GPC5: variants seen among roughly 807,000 people sequenced by gnomAD.
GPC5 encodes glypican-5.
Under a neutral mutation model 53.9 loss-of-function variants are expected in GPC5, and 47 were observed. The ratio of observed to expected loss-of-function variants is 0.87; its 90% CI spans 0.69 to 1.11. The LOEUF (loss-of-function observed/expected upper bound fraction) is 1.11. GPC5 is among the 50% of genes most tolerant of loss of function. The pLI is 0.00. For synonymous variants in GPC5, 286 were observed against 263.3 expected, an observed-to-expected ratio of 1.09 and a Z score of -0.84; for missense variants, 748 against 713.1, an observed-to-expected ratio of 1.05 and a Z score of -0.56.
intron 7 of GPC5, among the ~76,000 whole-genome samples, chr13:92,543,111 T>G (rs1157252718): frequency 3.3e-5 from 5 of 152,088 alleles, no homozygotes; most frequent in Admixed American, 2.6e-4. Context: ...ACTCCTGTAA[T>G]ACAAATATTT....
At chr13:92,023,969 G>A (rs368367290) in intron 6 of GPC5, among the ~76,000 whole-genome samples, 1 of 151,994 alleles carries the variant, frequency 6.6e-6, no homozygotes, top group Admixed American at 6.6e-5. Context: ...CATCCTATGA[G>A]GTGACATTAT....
At chr13:92,383,352 A>C (rs1371050944) in intron 7 of GPC5, among the ~76,000 whole-genome samples, 1 of 152,208 alleles carries the variant, frequency 6.6e-6, no homozygotes, top group Non-Finnish European at 1.5e-5. Flanking sequence ...TATTTGAATA[A>C]TATAGCCTTT....
chr13:92,168,311 T>C (rs2139017440), intron 7 of GPC5, among the ~76,000 whole-genome samples: 1 of 152,226 alleles, frequency 6.6e-6, no homozygotes, highest in South Asian at 2.1e-4. Flanking sequence ...TCAAAAGCAA[T>C]TGCAACAAAA....
At chr13:92,231,858 C>T (rs1408356706) in intron 7 of GPC5, among the ~76,000 whole-genome samples, 1 of 151,858 alleles carries the variant, frequency 6.6e-6, no homozygotes, top group Admixed American at 6.6e-5. Flanking sequence ...CCCAGCTGCT[C>T]GGGAGGCTGA....
intron 7 of GPC5, among the ~76,000 whole-genome samples, chr13:92,398,428 C>CAAAAAAAAAAAAA (rs35873316): frequency 1.4e-3 from 120 of 87,622 alleles, no homozygotes; most frequent in African/African-American, 5.1e-3. Flanking sequence ...GACTCCGTCT[C>CAAAAAAAAAAAAA]AAAAAAAAAA....
chr13:92,758,218 A>C (rs1874986192), intron 7 of GPC5, among the ~76,000 whole-genome samples: 1 of 143,256 alleles, frequency 7.0e-6, no homozygotes, highest in Admixed American at 7.0e-5. Context: ...CATTCTCAGT[A>C]AACTATCGCA....
intron 2 of GPC5, among the ~76,000 whole-genome samples, chr13:91,504,506 T>C (rs551985763): frequency 6.6e-6 from 1 of 152,212 alleles, no homozygotes; most frequent in Non-Finnish European, 1.5e-5. Context: ...ATAAAGAATA[T>C]AGTTAGATAT....
chr13:92,169,869 G>T (rs540506877), intron 7 of GPC5, among the ~76,000 whole-genome samples: 1 of 152,086 alleles, frequency 6.6e-6, no homozygotes, highest in Non-Finnish European at 1.5e-5. Context: ...GTGAACATTT[G>T]GAACTATGTT....
chr13:92,237,420 A>G (rs369177897), intron 7 of GPC5, among the ~76,000 whole-genome samples: 3 of 152,050 alleles, frequency 2.0e-5, no homozygotes, highest in Admixed American at 6.6e-5. Context: ...GGGTTTCACC[A>G]TGTTGGCCAG....
At chr13:91,607,561 A>C (rs1363229188) in intron 2 of GPC5, among the ~76,000 whole-genome samples, 1 of 152,220 alleles carries the variant, frequency 6.6e-6, no homozygotes, top group Non-Finnish European at 1.5e-5. Flanking sequence ...TTGAGGAATA[A>C]ATGGAAAAAA....
intron 6 of GPC5, among the ~76,000 whole-genome samples, chr13:92,138,754 A>T (rs1365228628): frequency 6.6e-6 from 1 of 152,040 alleles, no homozygotes; most frequent in Non-Finnish European, 1.5e-5. Context: ...TGCCCCGAGG[A>T]TGGAGCCAAC....
At chr13:91,694,019 A>C (rs1254185217) in intron 3 of GPC5, 138 bp downstream of exon 3, 24 of 721,256 alleles carry the variant, frequency 3.3e-5, no homozygotes, top group Non-Finnish European at 5.3e-5. Flanking sequence ...CTTATGATAA[A>C]ATTTTGATTG....
At chr13:91,780,091 A>G (rs961713835) in intron 5 of GPC5, among the ~76,000 whole-genome samples, 1 of 152,200 alleles carries the variant, frequency 6.6e-6, no homozygotes, top group African/African-American at 2.4e-5. Flanking sequence ...TGTGAGTAAC[A>G]TTGCACTATG....
intron 7 of GPC5, among the ~76,000 whole-genome samples, chr13:92,397,770 C>A (rs1437336334): frequency 6.6e-6 from 1 of 152,138 alleles, no homozygotes; most frequent in African/African-American, 2.4e-5. Flanking sequence ...AACAGCAAGT[C>A]ATTCCTTTGT....
intron 6 of GPC5, among the ~76,000 whole-genome samples, chr13:92,103,495 A>T (rs182632740): frequency 4.5e-4 from 69 of 152,284 alleles, no homozygotes; most frequent in Non-Finnish European, 7.1e-4. Context: ...TCTCTTCCTG[A>T]AAGATCAATG....
rs995686570 is a variant in GPC5 at position 91,464,818 on chromosome 13, A to AAC, written c.325+15908_325+15909dup. 8.0e-4 allele frequency among the ~76,000 whole-genome samples: 121 copies of AAC among 151,818 alleles called. 1 individual carries two copies. The highest frequency in any genetic ancestry group is 2.7e-3 in the African/African-American group (112 of 41,438). On this transcript the variant is annotated intron_variant, in intron 2 of 7. Transcript: ENST00000377067. ...AAATTGCATAGCACTACACACACAC[A>AAC]ACACACACACACAAATGCATACAAA...
In GPC5 at chr13:92,245,950, C is replaced by T. The variant is rs7993135; in HGVS notation, c.1561+100961C>T. ...GAATATTCTTATGAATAGGGTGGGCCCTATATTATTCATTTTCTTGTTTAG... is the reference window on the plus strand; with the variant it reads ...GAATATTCTTATGAATAGGGTGGGCTCTATATTATTCATTTTCTTGTTTAG... On this transcript the variant is annotated intron_variant, in intron 7 of 7. Transcript: ENST00000377067. Among the ~76,000 whole-genome samples the T allele has an allele frequency of 1.7e-4, 26 of 150,940 alleles. 3 individuals are homozygous for T. The highest frequency in any genetic ancestry group is 6.1e-4 in the African/African-American group (25 of 41,050).
intron 7 of GPC5, among the ~76,000 whole-genome samples, chr13:92,685,265 G>C (rs1423798318): frequency 1.3e-5 from 2 of 151,810 alleles, no homozygotes; most frequent in Non-Finnish European, 2.9e-5. Flanking sequence ...GCTGATTTTT[G>C]TATTTTTTTA....
intron 7 of GPC5, chr13:92,446,385 T>C (rs1026274432): frequency 8.6e-5 from 13 of 150,936 alleles, no homozygotes; most frequent in African/African-American, 3.2e-4. Flanking sequence ...GTACTTAATG[T>C]AATGACTTCC....
Sources: gnomAD v4.1 joint callset for allele counts (sites outside exome capture counted in the v4.1 genomes callset) on GRCh38, gnomAD v4.1.1 for gene constraint, MANE v1.5 for transcripts, NCBI Gene and HGNC (gene_info 2026-07-23, HGNC 2026-07-21) for gene names.